TBL1XR1: variants seen among roughly 807,000 people sequenced by gnomAD.
TBL1XR1 encodes the protein F-box-like/WD repeat-containing protein TBL1XR1.
A neutral mutation model predicts 66.9 loss-of-function variants in TBL1XR1; 5 were observed. The ratio of observed to expected loss-of-function variants is 0.07; its 90% CI spans 0.04 to 0.16. The LOEUF is 0.16. Among genes scored for constraint, TBL1XR1 ranks in the 10% least tolerant of loss-of-function variants. The probability of loss-of-function intolerance (pLI) is 1.00; values close to 1 mark genes in which losing one functional copy is unlikely to be tolerated. For synonymous variants in TBL1XR1, 210 were observed against 206.0 expected, an observed-to-expected ratio of 1.02 and a Z score of -0.17; for missense variants, 238 against 623.2, an observed-to-expected ratio of 0.38 and a Z score of 6.58.
intron 1 of TBL1XR1, among the ~76,000 whole-genome samples, chr3:177,184,663 T>C (rs1735200341): frequency 1.3e-5 from 2 of 152,204 alleles, no homozygotes; most frequent in South Asian, 2.1e-4. Context: ...TAGCCAGGTA[T>C]GGTGGCACAT....
rs1403253277 is a variant in TBL1XR1, at chr3:177,056,278, C to T, written c.59-2360G>A. 2.6e-5 allele frequency among the ~76,000 whole-genome samples: 4 copies of T among 152,202 alleles called. No homozygotes were observed. In the South Asian group the frequency reaches 6.2e-4, roughly 24 times the overall value. On this transcript the variant is annotated intron_variant, in intron 3 of 15. Transcript: ENST00000457928. Reference sequence around the variant, plus strand: ...AATAGTCAAAATTGTTAAATTTGGACCCTATTTAATTAGCTTATAGAGTTT... The same window carrying T: ...AATAGTCAAAATTGTTAAATTTGGATCCTATTTAATTAGCTTATAGAGTTT...
At chr3:177,188,271 C>T (rs566220023) in intron 1 of TBL1XR1, among the ~76,000 whole-genome samples, 15 of 152,232 alleles carry the variant, frequency 9.9e-5, no homozygotes, top group Admixed American at 8.5e-4. Context: ...ACTGTCCAGG[C>T]ACAGTGGCTC....
chr3:177,077,844 T>C (rs1237980827), intron 2 of TBL1XR1, among the ~76,000 whole-genome samples: 3 of 152,222 alleles, frequency 2.0e-5, no homozygotes, highest in South Asian at 4.1e-4. Flanking sequence ...GTTTTATTGC[T>C]CTTCTCAAAA....
At chr3:177,046,255 A>G in intron 9 of TBL1XR1, 66 bp from the exon 10 acceptor site, 1 of 1,169,116 alleles carries the variant, frequency 8.6e-7, no homozygotes, top group Non-Finnish European at 1.2e-6. Context: ...TGTAAAGTAT[A>G]TGCCTAACTG....
intron 1 of TBL1XR1, among the ~76,000 whole-genome samples, chr3:177,186,086 T>C (rs1343660539): frequency 6.6e-6 from 1 of 152,188 alleles, no homozygotes; most frequent in Non-Finnish European, 1.5e-5. Flanking sequence ...ACTAGTGACC[T>C]CTGCCAGCAG....
intron 1 of TBL1XR1, among the ~76,000 whole-genome samples, chr3:177,109,626 C>T (rs1287572432): frequency 1.3e-5 from 2 of 152,100 alleles, no homozygotes; most frequent in Non-Finnish European, 2.9e-5. Flanking sequence ...ACAAAACTTA[C>T]TAAAATACAT....
intron 2 of TBL1XR1, among the ~76,000 whole-genome samples, chr3:177,087,610 C>A (rs757985404): frequency 6.6e-6 from 1 of 152,052 alleles, no homozygotes; most frequent in Non-Finnish European, 1.5e-5. Context: ...GTTGAAGAAG[C>A]AAACAAACAG....
chr3:177,152,303 G>A (rs1730988199), intron 1 of TBL1XR1, among the ~76,000 whole-genome samples: 1 of 151,886 alleles, frequency 6.6e-6, no homozygotes, highest in South Asian at 2.1e-4. Context: ...CCAGAGCCAA[G>A]TACTTGACTA....
At chr3:177,134,945 CTGTG>C (rs10662042) in intron 1 of TBL1XR1, among the ~76,000 whole-genome samples, 7 of 129,148 alleles carry the variant, frequency 5.4e-5, no homozygotes, top group Admixed American at 8.1e-5. Context: ...CACTGCAAGG[CTGTG>C]TGTGTGTGTG....
intron 1 of TBL1XR1, among the ~76,000 whole-genome samples, chr3:177,125,093 C>T (rs1299812971): frequency 6.6e-6 from 1 of 151,492 alleles, no homozygotes; most frequent in African/African-American, 2.4e-5. Flanking sequence ...AAATGTAAAA[C>T]ATTTTCATTT....
chr3:177,083,903 C>A (rs1309726717), intron 2 of TBL1XR1, among the ~76,000 whole-genome samples: 2 of 151,790 alleles, frequency 1.3e-5, no homozygotes, highest in South Asian at 2.1e-4. Context: ...GCCTGGCCAA[C>A]ATGATGAAAC....
At chr3:177,028,883 C>T (rs1713535748) in intron 14 of TBL1XR1, among the ~76,000 whole-genome samples, 1 of 152,032 alleles carries the variant, frequency 6.6e-6, no homozygotes, top group African/African-American at 2.4e-5. Flanking sequence ...AGGTAATAAA[C>T]AAACTGCATA....
intron 1 of TBL1XR1, among the ~76,000 whole-genome samples, chr3:177,171,921 A>G (rs1331246427): frequency 3.3e-5 from 5 of 152,106 alleles, no homozygotes; most frequent in Non-Finnish European, 5.9e-5. Flanking sequence ...GCCAGTGGCA[A>G]AAGGTGGAAC....
intron 1 of TBL1XR1, among the ~76,000 whole-genome samples, chr3:177,105,237 C>T (rs964810208): frequency 1.3e-5 from 2 of 152,146 alleles, no homozygotes; most frequent in Non-Finnish European, 2.9e-5. Context: ...AATGGTGTAA[C>T]TTACAGTGCC....
intron 3 of TBL1XR1, among the ~76,000 whole-genome samples, chr3:177,054,480 T>C (rs1717553561): frequency 6.6e-6 from 1 of 152,174 alleles, no homozygotes; most frequent in Non-Finnish European, 1.5e-5. Flanking sequence ...TTCATTTACT[T>C]CATGTAATTG....
At chr3:177,147,385 G>GTGC (rs1472881156) in intron 1 of TBL1XR1, among the ~76,000 whole-genome samples, 1 of 152,150 alleles carries the variant, frequency 6.6e-6, no homozygotes, top group Non-Finnish European at 1.5e-5. Flanking sequence ...TGTGGTGATG[G>GTGC]TGCTGCAGAA....
chr3:177,073,004 C>G (rs918537091), intron 2 of TBL1XR1, among the ~76,000 whole-genome samples: 1 of 151,970 alleles, frequency 6.6e-6, no homozygotes, highest in Non-Finnish European at 1.5e-5. Flanking sequence ...GTGGAGGTTG[C>G]AGTGAGCCAA....
intron 1 of TBL1XR1, among the ~76,000 whole-genome samples, chr3:177,138,595 GA>G (rs575375356): frequency 1.5e-5 from 2 of 130,496 alleles, no homozygotes; most frequent in Admixed American, 7.5e-5. Flanking sequence ...CTGTCTGGGA[GA>G]AAAAAAAAGG....
intron 1 of TBL1XR1, among the ~76,000 whole-genome samples, chr3:177,177,452 AAAAAAT>A (rs1051219210): frequency 2.8e-4 from 43 of 152,334 alleles, no homozygotes; most frequent in Admixed American, 1.6e-3. Flanking sequence ...TCCATCTCAA[AAAAAAT>A]AAAAATAAAA....
Sources: allele counts gnomAD v4.1 joint callset (sites outside exome capture counted in the v4.1 genomes callset), GRCh38; gene constraint gnomAD v4.1.1; transcripts MANE v1.5; gene names NCBI Gene and HGNC (gene_info 2026-07-23, HGNC 2026-07-21).